Variants in DNAH7 observed in about 807,000 individuals in gnomAD.
The protein encoded by DNAH7 is dynein axonemal heavy chain 7, also known as axonemal beta dynein heavy chain 7.
In DNAH7, 397 loss-of-function variants were observed where a neutral mutation model predicts 444.6. The observed-to-expected ratio is 0.89, with a 90% CI of 0.82 to 0.97. The LOEUF (loss-of-function observed/expected upper bound fraction) is 0.97. Among genes scored for constraint, DNAH7 ranks in the 50% least tolerant of loss-of-function variants. The pLI, the probability that DNAH7 is intolerant of heterozygous loss-of-function variation, is 0.00. For missense variants in DNAH7, 4,902 were observed against 4,800.8 expected, an observed-to-expected ratio of 1.02 and a Z score of -0.62; for synonymous variants, 1,636 against 1,624.4, an observed-to-expected ratio of 1.01 and a Z score of -0.17.
intron 61 of DNAH7, among the ~76,000 whole-genome samples, chr2:195,763,859 T>A (rs758941560): frequency 5.3e-5 from 8 of 151,864 alleles, no homozygotes; most frequent in Non-Finnish European, 1.0e-4. Context: ...GTGGAGGGAA[T>A]AATTACAAAC....
intron 19 of DNAH7, among the ~76,000 whole-genome samples, chr2:195,950,851 CAAAAAAA>C (rs67782183): frequency 1.9e-4 from 7 of 36,716 alleles, no homozygotes; most frequent in Admixed American, 5.6e-4. Context: ...GACTCTGTCT[CAAAAAAA>C]AAAAAAAAAA....
chr2:195,883,461 C>A (rs568315711), intron 35 of DNAH7, among the ~76,000 whole-genome samples: 58 of 140,880 alleles, frequency 4.1e-4, no homozygotes, highest in South Asian at 2.2e-3. Flanking sequence ...TCCCCCCCCC[C>A]AAAAAAAAAG....
chr2:195,865,077 GTTA>G, intron 40 of DNAH7, 56 bp from the exon 41 acceptor site: 1 of 1,488,982 alleles, frequency 6.7e-7, no homozygotes, highest in Non-Finnish European at 8.9e-7. Context: ...TTAAGAAAGT[GTTA>G]TTATATCTGT....
Position 195,855,872 on chromosome 2 carries a change from A to T in DNAH7, c.8534T>A (p.Leu2845Gln). Residue 2845 changes from leucine (L) to glutamine (Q), a missense_variant, in exon 45 of 65, where the codon CTG becomes CAG. By Grantham distance (113) the Leu-to-Gln change is moderately radical. Transcript: ENST00000312428. ...QAALKEVQDK[L>Q]ARLQDTLELN... is the part of the protein sequence containing the mutation. ...TTCAAGTGTGTCTTGAAGCCTGGCCAGCTTGTCCTGAACTTCCTTAAGGGC... is the reference window on the plus strand; with the variant it reads ...TTCAAGTGTGTCTTGAAGCCTGGCCTGCTTGTCCTGAACTTCCTTAAGGGC... 1 of 1,614,082 alleles carries T rather than the reference A, an allele frequency of 6.2e-7. No homozygotes were observed. Among genetic ancestry groups the T allele is most frequent in the Non-Finnish European group, 8.5e-7 (1 of 1,179,982 alleles).
intron 39 of DNAH7, among the ~76,000 whole-genome samples, chr2:195,873,151 C>A (rs181359345): frequency 6.6e-6 from 1 of 152,186 alleles, no homozygotes; most frequent in Non-Finnish European, 1.5e-5. Flanking sequence ...CCCAGGTCAG[C>A]TTGGCTCCCT....
In DNAH7 at chr2:195,806,735, T is replaced by A. The variant is rs1488636588; in HGVS notation, c.10176+5A>T. 6.2e-7 allele frequency: 1 copy of A among 1,612,454 alleles called. No individual in the cohort carries two copies. The highest frequency in any genetic ancestry group is 8.5e-7 in the Non-Finnish European group (1 of 1,178,804). Reference sequence around the variant, plus strand: ...CATTGAGCTGTTTTCAAAGCCCACATTTACCTTGTCTGGCCTCAAGCAACG... The same window carrying A: ...CATTGAGCTGTTTTCAAAGCCCACAATTACCTTGTCTGGCCTCAAGCAACG... On this transcript the variant is annotated splice_donor_5th_base_variant and intron_variant, in intron 54 of 64. Coordinates refer to ENST00000312428, the MANE Select transcript of DNAH7 (RefSeq NM_018897.3).
At chr2:195,906,453 C>CTTTTTT (rs397870111) in intron 27 of DNAH7, among the ~76,000 whole-genome samples, 12 of 114,704 alleles carry the variant, frequency 1.0e-4, no homozygotes, top group South Asian at 3.0e-4. Flanking sequence ...TTCTTTCTTT[C>CTTTTTT]TTTTTTTTTT....
At chr2:195,967,900 T>C (rs918776066) in intron 17 of DNAH7, among the ~76,000 whole-genome samples, 1 of 152,240 alleles carries the variant, frequency 6.6e-6, no homozygotes, top group Non-Finnish European at 1.5e-5. Context: ...TGGTGTTCTA[T>C]TCTACTAAGC....
intron 19 of DNAH7, among the ~76,000 whole-genome samples, chr2:195,945,999 G>A (rs1215966397): frequency 6.6e-6 from 1 of 152,142 alleles, no homozygotes; most frequent in Non-Finnish European, 1.5e-5. Flanking sequence ...CTAAGGGCCT[G>A]AAAGGAGAGG....
intron 40 of DNAH7, among the ~76,000 whole-genome samples, chr2:195,867,937 A>C (rs1312371073): frequency 1.3e-5 from 2 of 152,096 alleles, no homozygotes; most frequent in Admixed American, 6.5e-5. Context: ...TTCTGGGTCC[A>C]CAGTTAGGAG....
chr2:195,999,368 G>A (rs1314674281), intron 12 of DNAH7: 2 of 617,316 alleles, frequency 3.2e-6, no homozygotes, highest in South Asian at 3.9e-5. Context: ...CAAGAATTCA[G>A]CTAAAAATGG....
At chr2:196,010,566 T>C (rs1694667608) in intron 10 of DNAH7, among the ~76,000 whole-genome samples, 1 of 152,184 alleles carries the variant, frequency 6.6e-6, no homozygotes, top group Admixed American at 6.6e-5. Context: ...ACAATTCCAC[T>C]GCTGGGCATA....
chr2:195,858,204 G>A (rs1699818576), intron 43 of DNAH7, among the ~76,000 whole-genome samples: 1 of 152,174 alleles, frequency 6.6e-6, no homozygotes, highest in East Asian at 1.9e-4. Flanking sequence ...TTACTGCAGT[G>A]CAAAGATGTA....
At chr2:195,772,496 T>G (rs1346028750) in intron 60 of DNAH7, among the ~76,000 whole-genome samples, 1 of 152,116 alleles carries the variant, frequency 6.6e-6, no homozygotes, top group African/African-American at 2.4e-5. Flanking sequence ...TTTTTTATAT[T>G]TATGGTGGCA....
Position 195,787,091 on chromosome 2 carries a change from C to T in DNAH7, c.10797G>A (p.Gly3599=), listed in dbSNP as rs1341198669. 2 of 1,612,616 alleles carry T rather than the reference C, an allele frequency of 1.2e-6. No individual in the cohort carries two copies. Among genetic ancestry groups the T allele is most frequent in the Admixed American group, 1.7e-5 (1 of 59,428 alleles). Residue 3599 remains glycine, a synonymous_variant, in exon 58 of 65, where the codon GGG becomes GGA. Coordinates refer to ENST00000312428, the MANE Select transcript of DNAH7 (RefSeq NM_018897.3). ...VQERRKFGPL[G]WNIPYEFNET... ...CATTGAACTCATAAGGAATATTCCA[C>T]CCTAGGGGTCCAAATTTCCGTCTTT...
chr2:195,800,319 T>C (rs116270114), intron 54 of DNAH7, among the ~76,000 whole-genome samples: 2,561 of 152,298 alleles, frequency 0.017, 69 homozygotes, highest in African/African-American at 0.058. Context: ...ATATGTATAT[T>C]TGTAGCTGCT....
At chr2:195,852,022 G>GCT (rs1699398211) in intron 46 of DNAH7, among the ~76,000 whole-genome samples, 22 of 152,238 alleles carry the variant, frequency 1.4e-4, no homozygotes, top group Admixed American at 1.4e-3. Context: ...ACTTTGGGAG[G>GCT]GCAAGGTGGG....
At chr2:195,746,127 G>T (rs1258395559) in intron 63 of DNAH7, among the ~76,000 whole-genome samples, 1 of 152,088 alleles carries the variant, frequency 6.6e-6, no homozygotes, top group Non-Finnish European at 1.5e-5. Flanking sequence ...GAGACACATA[G>T]GCTCAAGATA....
chr2:195,821,350 T>C (rs1248151727), intron 49 of DNAH7, among the ~76,000 whole-genome samples: 1 of 152,202 alleles, frequency 6.6e-6, no homozygotes, highest in East Asian at 1.9e-4. Flanking sequence ...CTCTCTACTT[T>C]TGGTTTTTGT....
Sources: gnomAD v4.1 joint callset for allele counts (sites outside exome capture counted in the v4.1 genomes callset) on GRCh38, gnomAD v4.1.1 for gene constraint, MANE v1.5 for transcripts, NCBI Gene and HGNC (gene_info 2026-07-23, HGNC 2026-07-21) for gene names.